Variants in GRIP1 observed in about 807,000 individuals in gnomAD.
GRIP1 encodes glutamate receptor interacting protein 1, also known as glutamate receptor-interacting protein 1.
A neutral mutation model predicts 129.9 loss-of-function variants in GRIP1; 45 were observed. That is an observed-to-expected ratio of 0.35 (90% CI 0.27 to 0.44). The LOEUF (loss-of-function observed/expected upper bound fraction) is 0.44, where lower values mean the gene tolerates loss of function less well. Among genes scored for constraint, GRIP1 ranks in the 20% least tolerant of loss-of-function variants. GRIP1 has a pLI of 1.00. For synonymous variants in GRIP1, 530 were observed against 520.8 expected (o/e 1.02, Z -0.24); for missense variants, 1,196 against 1,396.8 (o/e 0.86, Z 2.29).
chr12:66,526,578 A>C lies in GRIP1; in HGVS notation c.502+3253T>G, dbSNP rs189690963. On this transcript the variant is annotated intron_variant, in intron 5 of 24. Coordinates refer to ENST00000359742, the MANE Select transcript of GRIP1 (RefSeq NM_001366722.1). ...TTAGACCTAAAACAATAAAAACCCT[A>C]GAAGAAAACCTAGGCAATATCATTC... Among the ~76,000 whole-genome samples, 876 of 152,324 alleles carry C rather than the reference A, an allele frequency of 5.8e-3. 11 individuals are homozygous for C. Among genetic ancestry groups the C allele is most frequent in the African/African-American group, 0.017 (700 of 41,582 alleles).
At chr12:66,886,342 T>C (rs1476347930) in intron 1 of GRIP1, among the ~76,000 whole-genome samples, 1 of 152,134 alleles carries the variant, frequency 6.6e-6, no homozygotes, top group Non-Finnish European at 1.5e-5. Context: ...ATGAGAAACA[T>C]AATAAAATGA....
At chr12:66,579,103 A>G (rs1465565899) in intron 2 of GRIP1, among the ~76,000 whole-genome samples, 1 of 152,184 alleles carries the variant, frequency 6.6e-6, no homozygotes, top group Non-Finnish European at 1.5e-5. Context: ...ACGGTTCACG[A>G]AAAACCACTG....
At chr12:66,849,699 C>T (rs2039878374) in intron 1 of GRIP1, among the ~76,000 whole-genome samples, 1 of 152,160 alleles carries the variant, frequency 6.6e-6, no homozygotes, top group African/African-American at 2.4e-5. Context: ...ATACTATTTG[C>T]TGAATCAAAT....
chr12:66,724,830 A>G (rs1322555674), intron 1 of GRIP1, among the ~76,000 whole-genome samples: 1 of 152,186 alleles, frequency 6.6e-6, no homozygotes, highest in African/African-American at 2.4e-5. Flanking sequence ...CCTGAGGGCT[A>G]ACCCGATGTC....
intron 7 of GRIP1, among the ~76,000 whole-genome samples, chr12:66,510,265 T>C (rs1249206732): frequency 1.3e-5 from 2 of 152,130 alleles, no homozygotes; most frequent in Non-Finnish European, 2.9e-5. Context: ...ACTGTCTCCA[T>C]CAGTGCATTG....
intron 14 of GRIP1, among the ~76,000 whole-genome samples, chr12:66,425,192 C>T (rs1470759489): frequency 6.6e-6 from 1 of 152,154 alleles, no homozygotes; most frequent in Non-Finnish European, 1.5e-5. Context: ...AATTTGAAGG[C>T]ACTTTTCCAT....
intron 1 of GRIP1, among the ~76,000 whole-genome samples, chr12:66,911,497 A>G (rs12811382): frequency 0.19 from 28,215 of 152,044 alleles, 3,031 homozygotes; most frequent in South Asian, 0.26. Flanking sequence ...TAATTATTAT[A>G]TCATGGCTCC....
At chr12:66,496,593 A>C (rs564404476) in intron 7 of GRIP1, among the ~76,000 whole-genome samples, 1 of 152,288 alleles carries the variant, frequency 6.6e-6, no homozygotes, top group South Asian at 2.1e-4. Flanking sequence ...TGTCTCTTAC[A>C]GCCCTTCAAA....
At chr12:66,408,715 C>T (rs2057285384) in intron 15 of GRIP1, among the ~76,000 whole-genome samples, 1 of 152,094 alleles carries the variant, frequency 6.6e-6, no homozygotes, top group African/African-American at 2.4e-5. Context: ...GGGTAGAGTA[C>T]CAAGTGGGCT....
At chr12:66,844,338 A>G (rs1566048253) in intron 1 of GRIP1, among the ~76,000 whole-genome samples, 2 of 152,188 alleles carry the variant, frequency 1.3e-5, no homozygotes, top group South Asian at 2.1e-4. Flanking sequence ...AGCACACGAA[A>G]ATATGCTCAA....
chr12:66,840,693 A>G (rs2039699952), intron 1 of GRIP1, among the ~76,000 whole-genome samples: 1 of 152,176 alleles, frequency 6.6e-6, no homozygotes, highest in Non-Finnish European at 1.5e-5. Context: ...AAACCTACTG[A>G]ACTCCTACTG....
chr12:66,541,400 T>C (rs2061776199), intron 3 of GRIP1, among the ~76,000 whole-genome samples: 1 of 152,244 alleles, frequency 6.6e-6, no homozygotes. Flanking sequence ...CCATTCTTTC[T>C]AGGGTAGCCA....
intron 1 of GRIP1, among the ~76,000 whole-genome samples, chr12:66,887,334 T>C (rs1022543332): frequency 2.0e-5 from 3 of 152,214 alleles, no homozygotes; most frequent in African/African-American, 7.2e-5. Context: ...TTACAAAATA[T>C]TTATAAATGC....
At chr12:66,657,542 C>T (rs1029722547) in intron 1 of GRIP1, among the ~76,000 whole-genome samples, 53 of 152,196 alleles carry the variant, frequency 3.5e-4, no homozygotes, top group Non-Finnish European at 7.3e-5. Flanking sequence ...AGGTCTGTTA[C>T]ATTAACAGAA....
intron 2 of GRIP1, among the ~76,000 whole-genome samples, chr12:66,544,068 G>T (rs1469700085): frequency 6.6e-6 from 1 of 152,140 alleles, no homozygotes; most frequent in Non-Finnish European, 1.5e-5. Context: ...AGGAACCCAG[G>T]TGCTTCCTGG....
intron 1 of GRIP1, among the ~76,000 whole-genome samples, chr12:66,812,812 A>T (rs760851798): frequency 7.9e-5 from 12 of 152,220 alleles, no homozygotes; most frequent in Non-Finnish European, 1.8e-4. Flanking sequence ...GGTGTTTGAC[A>T]TACTTTTTAG....
At chr12:66,951,140 T>C (rs1472793955) in intron 1 of GRIP1, among the ~76,000 whole-genome samples, 1 of 152,216 alleles carries the variant, frequency 6.6e-6, no homozygotes, top group African/African-American at 2.4e-5. Flanking sequence ...TAAATAAGGC[T>C]GAATTTTAGC....
chr12:66,520,494 GT>G (rs1197030164), intron 5 of GRIP1, among the ~76,000 whole-genome samples: 7 of 152,292 alleles, frequency 4.6e-5, no homozygotes, highest in Non-Finnish European at 2.9e-5. Flanking sequence ...TGTAACTTAA[GT>G]TTTTTAAAAT....
chr12:66,811,358 G>A (rs1429270832), intron 1 of GRIP1, among the ~76,000 whole-genome samples: 1 of 152,152 alleles, frequency 6.6e-6, no homozygotes, highest in Non-Finnish European at 1.5e-5. Flanking sequence ...ATTTTTTCCT[G>A]AAGGTGTATG....
Sources: allele counts gnomAD v4.1 joint callset (sites outside exome capture counted in the v4.1 genomes callset), GRCh38; gene constraint gnomAD v4.1.1; transcripts MANE v1.5; gene names NCBI Gene and HGNC (gene_info 2026-07-23, HGNC 2026-07-21).